TLE1: variants seen among roughly 807,000 people sequenced by gnomAD.
TLE1 encodes the protein TLE family member 1, transcriptional corepressor.
A neutral mutation model predicts 89.8 loss-of-function variants in TLE1; 21 were observed. That is an observed-to-expected ratio of 0.23 (90% CI 0.17 to 0.34). The LOEUF (loss-of-function observed/expected upper bound fraction) is 0.34. TLE1 is among the 10% of genes least tolerant of loss of function. The pLI is 1.00. For synonymous variants in TLE1, 447 were observed against 407.6 expected (o/e 1.10, Z -1.16); for missense variants, 795 against 1,031.2 (o/e 0.77, Z 3.14).
intron 14 of TLE1, chr9:81,600,015 C>A: frequency 1.5e-6 from 1 of 662,286 alleles, no homozygotes; most frequent in South Asian, 1.8e-5. Context: ...GGAAGTATTC[C>A]AGCCAAAGTC....
In TLE1 at chr9:81,655,669, T is replaced by C. The variant is rs139230876; in HGVS notation, c.235-1633A>G. Among the ~76,000 whole-genome samples the C allele has an allele frequency of 1.1e-3, 165 of 152,140 alleles. 2 individuals carry two copies. Among genetic ancestry groups the C allele is most frequent in the South Asian group, 1.9e-3 (9 of 4,820 alleles). On this transcript the variant is annotated intron_variant, in intron 4 of 19. Transcript: ENST00000376499. ...GTCAATGCTTACTAAATGCCACCTA[T>C]ATTACTGAATTAAGCAATGAAAAGG... is the stretch of plus-strand genomic sequence containing the variant.
intron 6 of TLE1, among the ~76,000 whole-genome samples, chr9:81,638,443 T>C (rs1457783967): frequency 6.6e-6 from 1 of 152,214 alleles, no homozygotes; most frequent in African/African-American, 2.4e-5. Context: ...ACAGCGCTCC[T>C]CTGTCCCATC....
intron 4 of TLE1, among the ~76,000 whole-genome samples, chr9:81,663,302 A>G (rs955078860): frequency 6.6e-6 from 1 of 151,516 alleles, no homozygotes; most frequent in African/African-American, 2.4e-5. Context: ...AATCACAGGT[A>G]GAAAAACAGA....
chr9:81,606,476 A>G (rs556303240), intron 14 of TLE1, among the ~76,000 whole-genome samples: 3 of 152,324 alleles, frequency 2.0e-5, no homozygotes, highest in African/African-American at 7.2e-5. Context: ...TTGCAGGGAC[A>G]TGGATGAAGC....
intron 6 of TLE1, among the ~76,000 whole-genome samples, 199 bp downstream of exon 6, chr9:81,652,015 T>C (rs528355889): frequency 6.6e-6 from 1 of 151,820 alleles, no homozygotes; most frequent in East Asian, 2.0e-4. Flanking sequence ...TCATCTTCCT[T>C]ATGCTAAGCC....
At chr9:81,603,981 G>A (rs746763201) in intron 14 of TLE1, among the ~76,000 whole-genome samples, 13 of 152,144 alleles carry the variant, frequency 8.5e-5, no homozygotes, top group Non-Finnish European at 1.8e-4. Flanking sequence ...CAGCCTGGAT[G>A]ACAGAACGAG....
At chr9:81,620,842 G>T in intron 8 of TLE1, 1 of 984,582 alleles carries the variant, frequency 1.0e-6, no homozygotes, top group Non-Finnish European at 1.4e-6. Context: ...ATAGGAGCTT[G>T]CTGTGTTGTA....
chr9:81,616,920 T>C (rs1347589505), intron 9 of TLE1, among the ~76,000 whole-genome samples: 1 of 152,204 alleles, frequency 6.6e-6, no homozygotes, highest in Non-Finnish European at 1.5e-5. Context: ...AGGAATTCTG[T>C]AGCAGTAGCA....
At chr9:81,687,866 G>C (rs1303659810) in intron 1 of TLE1, among the ~76,000 whole-genome samples, 1 of 152,050 alleles carries the variant, frequency 6.6e-6, no homozygotes, top group Non-Finnish European at 1.5e-5. Context: ...CCGGAACCGG[G>C]GCCGCATTGA....
intron 11 of TLE1, among the ~76,000 whole-genome samples, chr9:81,615,020 T>A (rs1295753599): frequency 2.4e-5 from 3 of 124,484 alleles, no homozygotes; most frequent in African/African-American, 9.4e-5. Flanking sequence ...CATGAAACCC[T>A]GTAATAAGCC....
Position 81,687,316 on chromosome 9 carries a change from G to T in TLE1, c.125+18C>A, listed in dbSNP as rs780342214. On this transcript the variant is annotated intron_variant, in intron 2 of 19. Coordinates refer to ENST00000376499, the MANE Select transcript of TLE1 (RefSeq NM_005077.5). ...CGGGACGCCCGCGACCACTCGCATG[G>T]CGCGGCCGGACACGCACCTGTGATA... The T allele has an allele frequency of 6.3e-6, 10 of 1,589,030 alleles. No homozygotes were observed. The South Asian group carries it at 1.1e-4, about 18-fold the overall frequency.
chr9:81,626,208 T>C (rs966810887), intron 8 of TLE1, among the ~76,000 whole-genome samples: 5 of 152,214 alleles, frequency 3.3e-5, no homozygotes, highest in African/African-American at 1.2e-4. Context: ...AAAGTGTTTG[T>C]GTCAGAGGTA....
At chr9:81,675,697 A>ATTTTTTTTTTTTTTTTT (rs1832783096) in intron 4 of TLE1, among the ~76,000 whole-genome samples, 3 of 99,816 alleles carry the variant, frequency 3.0e-5, no homozygotes, top group African/African-American at 1.5e-4. Flanking sequence ...GACTCACACT[A>ATTTTTTTTTTTTTTTTT]GTTTTTTTTT....
rs530195668 is a variant in TLE1 at position 81,679,053 on chromosome 9, C to T, written c.234+6623G>A. On this transcript the variant is annotated intron_variant, in intron 4 of 19. Transcript: ENST00000376499. ...ATCCCAGCTATTCCAGAGGCTGAGGCAGGAGAATCACCTGAACCCAGGAGG... is the reference window on the plus strand; with the variant it reads ...ATCCCAGCTATTCCAGAGGCTGAGGTAGGAGAATCACCTGAACCCAGGAGG... Among the ~76,000 whole-genome samples the T allele has an allele frequency of 1.8e-4, 27 of 152,260 alleles. 1 individual carries two copies. The East Asian group carries it at 5.2e-3, about 29-fold the overall frequency.
chr9:81,689,343 C>A lies in TLE1; in HGVS notation c.-1103G>T. 1 of 152,488 alleles carries A rather than the reference C, an allele frequency of 6.6e-6. No individual in the cohort carries two copies. Among genetic ancestry groups the A allele is most frequent in the Non-Finnish European group, 1.5e-5 (1 of 68,218 alleles). The allele number at this position is 152,488 out of a possible 1,614,324, so 9.4% of individuals were successfully genotyped here. A position where few individuals can be genotyped will look rare whatever the true frequency, so the allele number is the denominator to read the frequency against. ...GTCCAGAGTAGTCACAGCGGTGGGG[C>A]CAGCGGGGGTTTTGGTCGCCGCGGG... On this transcript the variant is annotated 5_prime_UTR_variant, in exon 1 of 20. Coordinates refer to ENST00000376499, the MANE Select transcript of TLE1 (RefSeq NM_005077.5).
chr9:81,592,932 C>G (rs746394112), intron 15 of TLE1, 93 bp downstream of exon 15: 35 of 1,495,064 alleles, frequency 2.3e-5, no homozygotes, highest in Non-Finnish European at 3.1e-5. Context: ...TCTATTTCCT[C>G]ATAATGGGAA....
intron 4 of TLE1, among the ~76,000 whole-genome samples, chr9:81,677,138 T>C (rs1832992293): frequency 6.6e-6 from 1 of 152,140 alleles, no homozygotes; most frequent in Admixed American, 6.6e-5. Context: ...CTCGTGGGAC[T>C]GAGGCAGGAG....
chr9:81,584,970 CCAT>C (rs1554715328), intron 18 of TLE1, among the ~76,000 whole-genome samples: 18 of 148,454 alleles, frequency 1.2e-4, no homozygotes, highest in Non-Finnish European at 1.9e-4. Flanking sequence ...ATCCACCCAT[CCAT>C]CCATCCATCC....
chr9:81,616,007 G>A lies in TLE1; in HGVS notation c.893C>T (p.Ser298Phe). Residue 298 changes from serine (S) to phenylalanine (F), a missense_variant, in exon 11 of 20, where the codon TCT becomes TTT. Coordinates refer to ENST00000376499, the MANE Select transcript of TLE1 (RefSeq NM_005077.5). Reference protein sequence around the residue: ...ASTASSASSTSLKSKEMSLHE... With the variant: ...ASTASSASSTFLKSKEMSLHE... Reference sequence around the variant, plus strand: ...CAAGCTCATTTCTTTGGATTTCAAAGAAGTGGAACTTGCCGAGGAGGCCGT... The same window carrying A: ...CAAGCTCATTTCTTTGGATTTCAAAAAAGTGGAACTTGCCGAGGAGGCCGT... 6.2e-7 allele frequency: 1 copy of A among 1,613,830 alleles called. No individual in the cohort carries two copies. The highest frequency in any genetic ancestry group is 8.5e-7 in the Non-Finnish European group (1 of 1,179,980).
Sources: gnomAD v4.1 joint callset for allele counts (sites outside exome capture counted in the v4.1 genomes callset) on GRCh38, gnomAD v4.1.1 for gene constraint, MANE v1.5 for transcripts, NCBI Gene and HGNC (gene_info 2026-07-23, HGNC 2026-07-21) for gene names.